UGT1A8: variants seen among roughly 807,000 people sequenced by gnomAD.
UGT1A8 encodes the protein UDP-glucuronosyltransferase 1A8.
Under a neutral mutation model 45.3 loss-of-function variants are expected in UGT1A8, and 39 were observed. The observed-to-expected ratio is 0.86, with a 90% CI of 0.67 to 1.12. The LOEUF is 1.12. Ranked by LOEUF, UGT1A8 falls within the 50% of genes most tolerant of loss-of-function variation. The pLI is 0.00. For missense variants in UGT1A8, 719 were observed against 664.9 expected, an observed-to-expected ratio of 1.08 and a Z score of -0.90; for synonymous variants, 275 against 249.2, an observed-to-expected ratio of 1.10 and a Z score of -0.97.
At chr2:233,705,126 G>T (rs2075824823) in intron 1 of UGT1A8, among the ~76,000 whole-genome samples, 1 of 119,384 alleles carries the variant, frequency 8.4e-6, no homozygotes, top group South Asian at 3.0e-4. Context: ...ACAAGAGCGA[G>T]ACTTCGTCTG....
chr2:233,666,030 C>G (rs2074069814), intron 1 of UGT1A8, among the ~76,000 whole-genome samples: 1 of 152,148 alleles, frequency 6.6e-6, no homozygotes, highest in Non-Finnish European at 1.5e-5. Flanking sequence ...GCTGGTGGTT[C>G]ATTCAGGCGA....
At chr2:233,757,543 T>TACATATACATATAC (rs1320189051) in intron 1 of UGT1A8, among the ~76,000 whole-genome samples, 2 of 117,340 alleles carry the variant, frequency 1.7e-5, no homozygotes, top group African/African-American at 7.1e-5. Flanking sequence ...GGAATATATA[T>TACATATACATATAC]ATATATATAT....
At chr2:233,743,161 G>A in intron 1 of UGT1A8, 1 of 361,140 alleles carries the variant, frequency 2.8e-6, no homozygotes, top group South Asian at 2.1e-5. Flanking sequence ...TCCTCCAGAT[G>A]TGCTTAAAGT....
intron 1 of UGT1A8, chr2:233,753,657 TTGTG>T (rs1007260491): frequency 1.3e-5 from 2 of 152,228 alleles, no homozygotes; most frequent in African/African-American, 4.8e-5. Context: ...ACTTTCTCAA[TTGTG>T]TGTATGGTGC....
chr2:233,772,227 T>G, intron 4 of UGT1A8, 35 bp from the exon 5 acceptor site: 7 of 1,613,472 alleles, frequency 4.3e-6, no homozygotes, highest in Non-Finnish European at 5.1e-6. Flanking sequence ...ATACCACAGG[T>G]GTTCCAGGCA....
rs569949528 is a variant in UGT1A8, at chr2:233,742,141, C to T, written c.856-24893C>T. ...GGTCGTGGAGACCCTAACCCAGCAG[C>T]GCTAGACGAATTAAAGACACACACA... On this transcript the variant is annotated intron_variant, in intron 1 of 4. Transcript: ENST00000373450. 6.5e-4 allele frequency among the ~76,000 whole-genome samples: 99 copies of T among 151,946 alleles called. No homozygotes were observed. The South Asian group carries it at 0.02, about 31-fold the overall frequency.
rs188955971 is a variant in UGT1A8 at position 233,750,968 on chromosome 2, T to C, written c.856-16066T>C. ...ACAGAGTCTCCACTGGGGCACTGCC[T>C]AGTGGAGTTGTGAGAAGGCGGCCAC... is the stretch of plus-strand genomic sequence containing the variant. On this transcript the variant is annotated intron_variant, in intron 1 of 4. Transcript: ENST00000373450. Among the ~76,000 whole-genome samples the C allele has an allele frequency of 4.3e-4, 66 of 151,860 alleles. 1 individual carries two copies. The highest frequency in any genetic ancestry group is 3.5e-3 in the Admixed American group (53 of 15,300).
intron 1 of UGT1A8, chr2:233,713,363 A>G (rs753739474): frequency 1.9e-6 from 3 of 1,614,204 alleles, no homozygotes; most frequent in South Asian, 2.2e-5. Context: ...CTTTGATCAT[A>G]CATAGGTCTT....
chr2:233,681,985 A>C, intron 1 of UGT1A8: 2 of 1,614,108 alleles, frequency 1.2e-6, no homozygotes, highest in Non-Finnish European at 1.7e-6. Flanking sequence ...ATGTGTGTCT[A>C]CTGCTGACCT....
intron 1 of UGT1A8, among the ~76,000 whole-genome samples, chr2:233,646,299 C>A (rs1206548748): frequency 1.3e-5 from 2 of 151,954 alleles, no homozygotes; most frequent in Non-Finnish European, 2.9e-5. Context: ...GCTGTGAAGA[C>A]CTCTGACATG....
intron 1 of UGT1A8, among the ~76,000 whole-genome samples, chr2:233,639,480 T>C (rs907787690): frequency 2.6e-5 from 4 of 152,192 alleles, no homozygotes; most frequent in Non-Finnish European, 5.9e-5. Flanking sequence ...TGCCAGGATG[T>C]GTCTGGGAAA....
At chr2:233,623,031 GT>G (rs1440868097) in intron 1 of UGT1A8, among the ~76,000 whole-genome samples, 1 of 152,142 alleles carries the variant, frequency 6.6e-6, no homozygotes, top group Admixed American at 6.5e-5. Flanking sequence ...AGATCAGAAG[GT>G]TGTAGATATG....
chr2:233,725,960 G>A (rs574964594), intron 1 of UGT1A8, among the ~76,000 whole-genome samples: 2 of 152,228 alleles, frequency 1.3e-5, no homozygotes, highest in East Asian at 3.9e-4. Flanking sequence ...GAGCCCAGGA[G>A]TCTGAGAGCA....
chr2:233,727,966 G>A (rs1025938754), intron 1 of UGT1A8, among the ~76,000 whole-genome samples: 37 of 152,228 alleles, frequency 2.4e-4, no homozygotes, highest in African/African-American at 8.2e-4. Context: ...TCATCCTGAG[G>A]TGACCAGGAC....
chr2:233,667,115 T>A (rs1289551295), intron 1 of UGT1A8, among the ~76,000 whole-genome samples: 2 of 152,210 alleles, frequency 1.3e-5, no homozygotes, highest in African/African-American at 4.8e-5. Context: ...AACATACGTG[T>A]GCATGTGTCT....
At chr2:233,680,429 T>A (rs944633496) in intron 1 of UGT1A8, among the ~76,000 whole-genome samples, 3 of 152,206 alleles carry the variant, frequency 2.0e-5, no homozygotes, top group Non-Finnish European at 2.9e-5. Flanking sequence ...TAGTGTAGTA[T>A]GTACTAGAGG....
chr2:233,710,057 A>G (rs1374014159), intron 1 of UGT1A8, among the ~76,000 whole-genome samples: 1 of 152,246 alleles, frequency 6.6e-6, no homozygotes, highest in Admixed American at 6.5e-5. Context: ...TTGGCTCGGC[A>G]TAATGTCTCT....
At chr2:233,727,498 G>A (rs2077621663) in intron 1 of UGT1A8, among the ~76,000 whole-genome samples, 1 of 152,136 alleles carries the variant, frequency 6.6e-6, no homozygotes, top group Non-Finnish European at 1.5e-5. Context: ...TAGAACATGG[G>A]AGCCCATGAA....
intron 1 of UGT1A8, among the ~76,000 whole-genome samples, chr2:233,664,062 T>A (rs1181824780): frequency 6.6e-6 from 1 of 152,166 alleles, no homozygotes; most frequent in Non-Finnish European, 1.5e-5. Context: ...AGTTTAAAGT[T>A]CCACAGATTC....
Sources: allele counts gnomAD v4.1 joint callset (sites outside exome capture counted in the v4.1 genomes callset), GRCh38; gene constraint gnomAD v4.1.1; transcripts MANE v1.5; gene names NCBI Gene and HGNC (gene_info 2026-07-23, HGNC 2026-07-21).